The following SPIRE2 variants were observed in gnomAD, a reference collection of about 807,000 sequenced individuals.
SPIRE2 encodes the protein spire type actin nucleation factor 2.
SPIRE2 carries 76 observed loss-of-function variants against 80.7 expected under a neutral mutation model. The ratio of observed to expected loss-of-function variants is 0.94; its 90% CI spans 0.78 to 1.14. The LOEUF (loss-of-function observed/expected upper bound fraction) is 1.14. Among genes scored for constraint, SPIRE2 ranks in the 50% most tolerant of loss-of-function variants. The pLI is 0.00. For missense variants in SPIRE2, 1,196 were observed against 1,015.3 expected (o/e 1.18, Z -2.42); for synonymous variants, 535 against 432.6 (o/e 1.24, Z -2.94).
intron 1 of SPIRE2, among the ~76,000 whole-genome samples, chr16:89,840,245 C>CTTTTT (rs778083127): frequency 6.8e-5 from 9 of 133,270 alleles, no homozygotes; most frequent in Non-Finnish European, 1.3e-4. Flanking sequence ...AACCTGTCAT[C>CTTTTT]TTTTTTTTTT....
intron 12 of SPIRE2, among the ~76,000 whole-genome samples, 173 bp from the exon 13 acceptor site, chr16:89,868,016 A>G (rs1032601745): frequency 2.6e-5 from 4 of 152,238 alleles, no homozygotes; most frequent in Admixed American, 6.5e-5. Flanking sequence ...TGGATACCTA[A>G]GTATAAAGAA....
At position 89,837,328 on chromosome 16, in the gene SPIRE2, C is replaced by A. The variant is rs1264065479; in HGVS notation, c.245-7994C>A. Among the ~76,000 whole-genome samples the A allele has an allele frequency of 3.3e-5, 5 of 152,190 alleles. 1 individual carries two copies. The highest frequency in any genetic ancestry group is 7.3e-5 in the Non-Finnish European group (5 of 68,034). ...GGAAGAGTTGAGGTCTCCGTGTCAGCCCTGGAGCCAAGGCTAGGCCCAGGG... is the reference window on the plus strand; with the variant it reads ...GGAAGAGTTGAGGTCTCCGTGTCAGACCTGGAGCCAAGGCTAGGCCCAGGG... On this transcript the variant is annotated intron_variant, in intron 1 of 14. Transcript: ENST00000378247.
Position 89,845,210 on chromosome 16 carries a change from G to A in SPIRE2, c.245-112G>A, listed in dbSNP as rs535260427. The stretch of plus-strand genomic sequence containing the variant: ...CCTGCTGTGAGCTTTCTGGTGTTCC[G>A]GCGGAGAGTGGGGCTGTGGTGTGTG... On this transcript the variant is annotated intron_variant, in intron 1 of 14. Coordinates refer to ENST00000378247, the MANE Select transcript of SPIRE2 (RefSeq NM_032451.2). 2.6e-4 allele frequency: 249 copies of A among 959,586 alleles called. 8 individuals carry two copies. In the South Asian group the frequency reaches 2.7e-3, roughly 11 times the overall value. The allele number at this position is 959,586 out of a possible 1,614,324, so 59.4% of individuals were successfully genotyped here.
intron 14 of SPIRE2, 141 bp from the exon 15 acceptor site, chr16:89,869,909 T>C: frequency 2.7e-6 from 2 of 752,960 alleles, no homozygotes; most frequent in Non-Finnish European, 4.4e-6. Flanking sequence ...TGAACACTGC[T>C]AGCTGTGTTT....
chr16:89,859,141 G>A, intron 8 of SPIRE2, 24 bp from the exon 9 acceptor site: 1 of 1,525,754 alleles, frequency 6.6e-7, no homozygotes, highest in African/African-American at 1.4e-5. Flanking sequence ...TGTCAGGGCA[G>A]GGCCGCGTCT....
chr16:89,860,808 G>C lies in SPIRE2; in HGVS notation c.1575+13G>C. The C allele has an allele frequency of 6.9e-7, 1 of 1,457,998 alleles. No homozygotes were observed. Among genetic ancestry groups the C allele is most frequent in the South Asian group, 1.4e-5 (1 of 72,400 alleles). 90.3% of individuals were successfully genotyped at this position (1,457,998 alleles called of 1,614,324 possible). ...ACACCTGTGGCTGGTGAGTGAGGGT[G>C]CGATTGTCGTCCAGGGCGGCCCAGG... On this transcript the variant is annotated intron_variant, in intron 10 of 14. Transcript: ENST00000378247.
At chr16:89,836,227 G>T (rs1320371319) in intron 1 of SPIRE2, 1 of 455,996 alleles carries the variant, frequency 2.2e-6, no homozygotes, top group Non-Finnish European at 4.4e-6. Flanking sequence ...GAAGAGGTCA[G>T]AAACCCAGGA....
chr16:89,869,656 G>A lies in SPIRE2; in HGVS notation c.1896G>A (p.Ala632=), dbSNP rs370600342. The change falls in exon 14 of 15, where the codon GCG becomes GCA. Residue 632 remains alanine (A), a synonymous_variant. Coordinates refer to ENST00000378247, the MANE Select transcript of SPIRE2 (RefSeq NM_032451.2). The part of the protein sequence containing the change: ...SPQRVSAAKT[A]PIQRRDIFQS... ...AGAGGGTATCAGCTGCCAAAACCGC[G>A]CCAATCCAGAGAAGAGACATCTTTC... The A allele has an allele frequency of 6.0e-5, 97 of 1,613,874 alleles. No homozygotes were observed. Among genetic ancestry groups the A allele is most frequent in the Middle Eastern group, 1.6e-4 (1 of 6,084 alleles).
chr16:89,855,985 C>A, intron 6 of SPIRE2, 128 bp from the exon 7 acceptor site: 1 of 1,467,322 alleles, frequency 6.8e-7, no homozygotes. Context: ...CTGGCAGGCT[C>A]TTCCGACTCC....
chr16:89,861,888 A>T (rs907452939), intron 10 of SPIRE2: 1 of 152,254 alleles, frequency 6.6e-6, no homozygotes, highest in Non-Finnish European at 1.5e-5. Context: ...AGCGCAGTGA[A>T]AGCCACTGAG....
intron 1 of SPIRE2, among the ~76,000 whole-genome samples, chr16:89,839,997 G>A (rs1257000297): frequency 6.6e-6 from 1 of 152,192 alleles, no homozygotes; most frequent in Non-Finnish European, 1.5e-5. Flanking sequence ...TGCAGGTGAG[G>A]AAGTGAGGTC....
At chr16:89,850,692 T>G (rs1597216148) in intron 3 of SPIRE2, 32 bp downstream of exon 3, 5 of 627,236 alleles carry the variant, frequency 8.0e-6, no homozygotes, top group Non-Finnish European at 9.3e-6. Flanking sequence ...CCGTGGAGGG[T>G]CCGGGAGGCC....
At chr16:89,841,582 G>A (rs1459736348) in intron 1 of SPIRE2, among the ~76,000 whole-genome samples, 1 of 152,138 alleles carries the variant, frequency 6.6e-6, no homozygotes, top group Non-Finnish European at 1.5e-5. Flanking sequence ...CATTTATTAG[G>A]GGTATGGTCT....
At chr16:89,836,767 G>A (rs1398728526) in intron 1 of SPIRE2, among the ~76,000 whole-genome samples, 1 of 151,290 alleles carries the variant, frequency 6.6e-6, no homozygotes, top group Non-Finnish European at 1.5e-5. Flanking sequence ...ATCACCTGAG[G>A]TCGGGAGTTC....
rs1258494818 is a variant in SPIRE2, at chr16:89,828,952, T to C, written c.244+158T>C. Among the ~76,000 whole-genome samples the C allele has an allele frequency of 6.6e-6, 1 of 151,966 alleles. No individual in the cohort carries two copies. Among genetic ancestry groups the C allele is most frequent in the Non-Finnish European group, 1.5e-5 (1 of 67,960 alleles). On this transcript the variant is annotated intron_variant, in intron 1 of 14. Transcript: ENST00000378247. This position sits in a 1 kb window ranked among gnomAD's most constrained non-coding sequence, Gnocchi z 5.9. ...GGAGCTCCCTCCCTCCCACTCTCCG[T>C]CCCTCTTTCCCTCTCTCTTTCCTCC... is the stretch of plus-strand genomic sequence containing the variant.
chr16:89,851,956 G>T (rs2041632117), intron 3 of SPIRE2, among the ~76,000 whole-genome samples: 1 of 151,880 alleles, frequency 6.6e-6, no homozygotes, highest in Admixed American at 6.6e-5. Context: ...ACGCCGGGTG[G>T]CAGCCTGAGC....
rs2041830890 is a variant in SPIRE2 at position 89,870,515 on chromosome 16, G to A, written c.*243G>A. 2.2e-6 allele frequency: 1 copy of A among 460,736 alleles called. No homozygotes were observed. Among genetic ancestry groups the A allele is most frequent in the Non-Finnish European group, 3.9e-6 (1 of 255,906 alleles). The allele number at this position is 460,736 out of a possible 1,614,324, so 28.5% of individuals were successfully genotyped here. A position where few individuals can be genotyped will look rare whatever the true frequency, so the allele number is the denominator to read the frequency against. ...TTCCTTGCCAGGGAGGAAGGGGAGG[G>A]AACAGGGTGGGTTTTCTCACTGAAG... On this transcript the variant is annotated 3_prime_UTR_variant, in exon 15 of 15. Coordinates refer to ENST00000378247, the MANE Select transcript of SPIRE2 (RefSeq NM_032451.2).
At chr16:89,868,592 G>A (rs1216804407) in intron 13 of SPIRE2, among the ~76,000 whole-genome samples, 3 of 152,142 alleles carry the variant, frequency 2.0e-5, no homozygotes, top group East Asian at 3.9e-4. Flanking sequence ...AGCTGGGCAC[G>A]GTGGCTCACA....
intron 4 of SPIRE2, 48 bp downstream of exon 4, chr16:89,854,414 C>G (rs374882804): frequency 6.2e-7 from 1 of 1,610,864 alleles, no homozygotes; most frequent in African/African-American, 1.3e-5. Context: ...GCCCAGCCTG[C>G]CAAGGGTCTC....
Sources: gnomAD v4.1 joint callset for allele counts (sites outside exome capture counted in the v4.1 genomes callset) on GRCh38, gnomAD v4.1.1 for gene constraint, Gnocchi (gnomAD v3.1) non-coding constraint, MANE v1.5 for transcripts, NCBI Gene and HGNC (gene_info 2026-07-23, HGNC 2026-07-21) for gene names.